The following ZZZ3 variants were observed in gnomAD, a reference collection of about 807,000 sequenced individuals.
ZZZ3 encodes the protein zinc finger ZZ-type containing 3, also known as ZZ-type zinc finger-containing protein 3.
ZZZ3 carries 22 observed loss-of-function variants against 95.2 expected under a neutral mutation model. That is an observed-to-expected ratio of 0.23 (90% CI 0.17 to 0.33). The LOEUF (loss-of-function observed/expected upper bound fraction) is 0.33, where lower values mean the gene tolerates loss of function less well. Among genes scored for constraint, ZZZ3 ranks in the 10% least tolerant of loss-of-function variants. ZZZ3 has a pLI of 1.00. For synonymous variants in ZZZ3, 335 were observed against 358.9 expected (o/e 0.93, Z 0.75); for missense variants, 885 against 1,066.5 (o/e 0.83, Z 2.37).
chr1:77,635,666 G>T (rs1292413492), intron 4 of ZZZ3, among the ~76,000 whole-genome samples: 1 of 152,194 alleles, frequency 6.6e-6, no homozygotes, highest in Non-Finnish European at 1.5e-5. Flanking sequence ...GGTACTTTGG[G>T]AGGCCAAGGC....
chr1:77,668,252 C>A (rs1671428872), intron 1 of ZZZ3, among the ~76,000 whole-genome samples: 1 of 152,124 alleles, frequency 6.6e-6, no homozygotes, highest in Admixed American at 6.6e-5. Context: ...TTACCAGTTT[C>A]TTTTCTGAAC....
chr1:77,657,271 C>G (rs1305497366), intron 1 of ZZZ3, among the ~76,000 whole-genome samples: 1 of 152,138 alleles, frequency 6.6e-6, no homozygotes. Flanking sequence ...CGTGAGCCAC[C>G]GCACCCAGCC....
Position 77,576,164 on chromosome 1 carries a change from A to C in ZZZ3, c.2235T>G (p.Thr745=). 1 of 1,613,570 alleles carries C rather than the reference A, an allele frequency of 6.2e-7. No homozygotes were observed. ...PLNKHLFKPS[T]FMTSHEPPVY... Reference sequence around the variant, plus strand: ...CTGGCGGTTCATGTGAAGTCATGAAAGTGGAAGGCTTAAAGAGATGCTTAT... The same window carrying C: ...CTGGCGGTTCATGTGAAGTCATGAACGTGGAAGGCTTAAAGAGATGCTTAT... Residue 745 remains threonine, a synonymous_variant, in exon 12 of 15, where the codon ACT becomes ACG. Transcript: ENST00000370801.
chr1:77,588,681 C>T (rs1263057599), intron 5 of ZZZ3, among the ~76,000 whole-genome samples: 1 of 151,988 alleles, frequency 6.6e-6, no homozygotes, highest in African/African-American at 2.4e-5. Flanking sequence ...ACTTTTGCTA[C>T]TCACTGAACC....
At chr1:77,616,049 T>C (rs1666280120) in intron 5 of ZZZ3, among the ~76,000 whole-genome samples, 1 of 152,156 alleles carries the variant, frequency 6.6e-6, no homozygotes, top group South Asian at 2.1e-4. Context: ...TACACTGAGT[T>C]ATTTTTATCT....
At chr1:77,644,222 C>T (rs1025117244) in intron 1 of ZZZ3, among the ~76,000 whole-genome samples, 2 of 152,068 alleles carry the variant, frequency 1.3e-5, no homozygotes, top group Admixed American at 6.5e-5. Context: ...CCTGCCACCA[C>T]GCCCATTTAA....
At chr1:77,670,819 G>A (rs1228185472) in intron 1 of ZZZ3, among the ~76,000 whole-genome samples, 1 of 151,220 alleles carries the variant, frequency 6.6e-6, no homozygotes, top group Non-Finnish European at 1.5e-5. Flanking sequence ...GCTGTCATGC[G>A]GGTATGCATG....
chr1:77,579,401 C>T (rs1353045892), intron 10 of ZZZ3, 126 bp downstream of exon 10: 1 of 628,196 alleles, frequency 1.6e-6, no homozygotes, highest in Non-Finnish European at 2.7e-6. Context: ...TAAAAAAACA[C>T]CACATACTAC....
chr1:77,639,356 T>C lies in ZZZ3; in HGVS notation c.-52+93A>G, dbSNP rs912499717. 82 of 1,052,292 alleles carry C rather than the reference T, an allele frequency of 7.8e-5. No individual in the cohort carries two copies. In the South Asian group the frequency reaches 1.6e-3, roughly 20 times the overall value. The allele number at this position is 1,052,292 out of a possible 1,614,324, so 65.2% of individuals were successfully genotyped here. A position where few individuals can be genotyped will look rare whatever the true frequency, so the allele number is the denominator to read the frequency against. On this transcript the variant is annotated intron_variant, in intron 4 of 14. Coordinates refer to ENST00000370801, the MANE Select transcript of ZZZ3 (RefSeq NM_015534.6). The stretch of plus-strand genomic sequence containing the variant: ...TACAAGTTGCCACCCAGAGGATGTA[T>C]GGAAAAATAACAAGTCTCCCCATCT...
rs998118374 is a variant in ZZZ3, at chr1:77,566,547, CAG to C, written c.2467-368_2467-367del. ...CTGTATGATGACTATGGTTGAGAAA[CAG>C]AGAGTTAATACCATAGTTAAAACTA... On this transcript the variant is annotated intron_variant, in intron 13 of 14. Transcript: ENST00000370801. Among the ~76,000 whole-genome samples the C allele has an allele frequency of 4.6e-5, 7 of 152,266 alleles. No individual in the cohort carries two copies. In the East Asian group the frequency reaches 9.7e-4, roughly 21 times the overall value.
Position 77,650,666 on chromosome 1 carries a change from G to GA in ZZZ3, c.-402-9012dup, listed in dbSNP as rs551273539. Reference sequence around the variant, plus strand: ...TGTCAGCTTCTACCTTAAGAAACTAGAAAAAAAAAAAAAGGATACTATAAT... The same window carrying GA: ...TGTCAGCTTCTACCTTAAGAAACTAGAAAAAAAAAAAAAAGGATACTATAAT... On this transcript the variant is annotated intron_variant, in intron 1 of 14. Transcript: ENST00000370801. Among the ~76,000 whole-genome samples the GA allele has an allele frequency of 4.0e-3, 268 of 66,998 alleles. 2 individuals carry two copies. Among genetic ancestry groups the GA allele is most frequent in the East Asian group, 0.037 (94 of 2,550 alleles). 44.0% of individuals were successfully genotyped at this position (66,998 alleles called of 152,430 possible).
chr1:77,603,368 C>T (rs570660093), intron 5 of ZZZ3, among the ~76,000 whole-genome samples: 3 of 152,150 alleles, frequency 2.0e-5, no homozygotes, highest in African/African-American at 7.2e-5. Context: ...AATGAGCCAC[C>T]ATGCCTGGCC....
At chr1:77,590,853 T>C (rs186022551) in intron 5 of ZZZ3, among the ~76,000 whole-genome samples, 18 of 152,328 alleles carry the variant, frequency 1.2e-4, no homozygotes, top group African/African-American at 3.8e-4. Flanking sequence ...TTTAAATGAC[T>C]AAGCAATTTT....
chr1:77,681,278 A>G (rs986238181), intron 1 of ZZZ3, among the ~76,000 whole-genome samples: 1 of 152,188 alleles, frequency 6.6e-6, no homozygotes, highest in African/African-American at 2.4e-5. Flanking sequence ...GTGTTACTCT[A>G]TACTATATAC....
At position 77,632,967 on chromosome 1, in the gene ZZZ3, T is replaced by C; in HGVS notation, c.388A>G (p.Ser130Gly). The stretch of plus-strand genomic sequence containing the variant: ...TTTATAGGAGAATCTTCTTCTGAAC[T>C]GTTTGGTGCTTCAGATCTAAGACAA... ...KRCLRSEAPN[S>G]SEEDSPIKSD... The change falls in exon 5 of 15, where the codon AGT (serine) becomes GGT (glycine). Residue 130 changes from serine (S) to glycine (G), a missense_variant. Ser to Gly is a moderately conservative substitution (Grantham distance 56). This residue lies in a region of ZZZ3 where 556 missense variants were observed against 652.9 expected (regional missense o/e 0.85). Coordinates refer to ENST00000370801, the MANE Select transcript of ZZZ3 (RefSeq NM_015534.6). The C allele has an allele frequency of 6.2e-7, 1 of 1,614,162 alleles. No homozygotes were observed. The highest frequency in any genetic ancestry group is 8.5e-7 in the Non-Finnish European group (1 of 1,180,022).
At chr1:77,646,567 AATG>A (rs1669297226) in intron 1 of ZZZ3, among the ~76,000 whole-genome samples, 2 of 152,144 alleles carry the variant, frequency 1.3e-5, no homozygotes, top group Admixed American at 6.5e-5. Flanking sequence ...TGCTCTACAG[AATG>A]ATATGTCATT....
rs191852974 is a variant in ZZZ3 at position 77,593,305 on chromosome 1, A to G, written c.1506-8650T>C. 4.8e-4 allele frequency among the ~76,000 whole-genome samples: 73 copies of G among 152,358 alleles called. No individual in the cohort carries two copies. In the East Asian group the frequency reaches 0.013, roughly 27 times the overall value. On this transcript the variant is annotated intron_variant, in intron 5 of 14. Coordinates refer to ENST00000370801, the MANE Select transcript of ZZZ3 (RefSeq NM_015534.6). The stretch of plus-strand genomic sequence containing the variant: ...CTCTTGAATATACACAGTATAAGAC[A>G]TATGTTCATAGCAGCCTTATTAATA...
Position 77,675,668 on chromosome 1 carries a change from G to T in ZZZ3, c.-403+6917C>A, listed in dbSNP as rs1672195449. On this transcript the variant is annotated intron_variant, in intron 1 of 14. Transcript: ENST00000370801. ...TACTTAAATCTGGCTTTTCTTACTA[G>T]CATTATTGTAACCAGAAAAATCTGT... 5.3e-5 allele frequency among the ~76,000 whole-genome samples: 8 copies of T among 150,908 alleles called. No homozygotes were observed. The South Asian group carries it at 1.7e-3, about 31-fold the overall frequency.
At chr1:77,664,616 T>C (rs1671100922) in intron 1 of ZZZ3, among the ~76,000 whole-genome samples, 1 of 152,228 alleles carries the variant, frequency 6.6e-6, no homozygotes, top group Admixed American at 6.5e-5. Flanking sequence ...GCTCACACTA[T>C]AGGTTTCTGC....
Sources: gnomAD v4.1 joint callset for allele counts (sites outside exome capture counted in the v4.1 genomes callset) on GRCh38, gnomAD v4.1.1 for gene constraint, gnomAD v4.1.1 regional missense constraint, MANE v1.5 for transcripts, NCBI Gene and HGNC (gene_info 2026-07-23, HGNC 2026-07-21) for gene names.